ADARB2: variants seen among roughly 807,000 people sequenced by gnomAD.
ADARB2 encodes the protein inactive double-stranded RNA-specific editase B2.
ADARB2 carries 25 observed loss-of-function variants against 62.2 expected under a neutral mutation model. The observed-to-expected ratio is 0.40, with a 90% CI of 0.29 to 0.56. The LOEUF is 0.56. ADARB2 is among the 20% of genes least tolerant of loss of function. The probability of loss-of-function intolerance (pLI) is 0.43; values close to 1 mark genes in which losing one functional copy is unlikely to be tolerated. For missense variants in ADARB2, 1,071 were observed against 1,077.4 expected (o/e 0.99, Z 0.08); for synonymous variants, 572 against 500.8 (o/e 1.14, Z -1.90).
chr10:1,345,954 C>A (rs1312450713), intron 3 of ADARB2, among the ~76,000 whole-genome samples: 1 of 152,174 alleles, frequency 6.6e-6, no homozygotes, highest in African/African-American at 2.4e-5. Flanking sequence ...AAAATCATCA[C>A]AAATGAACCG....
chr10:1,343,155 G>A (rs1832045568), intron 3 of ADARB2, among the ~76,000 whole-genome samples: 1 of 152,134 alleles, frequency 6.6e-6, no homozygotes, highest in African/African-American at 2.4e-5. Flanking sequence ...TAGGAAGCCT[G>A]TACATAAAAA....
At chr10:1,539,570 T>C (rs937774822) in intron 1 of ADARB2, among the ~76,000 whole-genome samples, 3 of 152,222 alleles carry the variant, frequency 2.0e-5, no homozygotes, top group Admixed American at 6.5e-5. Context: ...ACACCGGAAA[T>C]TGGGGAGGCC....
intron 1 of ADARB2, among the ~76,000 whole-genome samples, chr10:1,443,181 G>GA (rs1374173367): frequency 6.6e-6 from 1 of 152,144 alleles, no homozygotes. Context: ...GGCCAAGGGG[G>GA]AAAAACACCC....
intron 1 of ADARB2, among the ~76,000 whole-genome samples, chr10:1,581,623 G>A (rs1281507417): frequency 1.3e-5 from 2 of 152,136 alleles, no homozygotes; most frequent in East Asian, 3.8e-4. Context: ...GATAATTTTT[G>A]AGTATTAAGT....
At position 1,341,597 on chromosome 10, in the gene ADARB2, G is replaced by A. The variant is rs566477381; in HGVS notation, c.1077+21431C>T. Among the ~76,000 whole-genome samples the A allele has an allele frequency of 6.6e-4, 93 of 141,136 alleles. 1 individual carries two copies. Among genetic ancestry groups the A allele is most frequent in the African/African-American group, 2.2e-3 (83 of 37,420 alleles). The allele number at this position is 141,136 out of a possible 152,430, so 92.6% of individuals were successfully genotyped here. A position where few individuals can be genotyped will look rare whatever the true frequency, so the allele number is the denominator to read the frequency against. ...TAACCAGCATCCACCAGAGAACCAC[G>A]CGCCCCACAGCGGCAATAACCAGCA... On this transcript the variant is annotated intron_variant, in intron 3 of 9. Coordinates refer to ENST00000381312, the MANE Select transcript of ADARB2 (RefSeq NM_018702.4).
intron 1 of ADARB2, among the ~76,000 whole-genome samples, chr10:1,703,367 C>A (rs549484512): frequency 6.6e-6 from 1 of 152,230 alleles, no homozygotes; most frequent in East Asian, 1.9e-4. Flanking sequence ...AGTGGAGCTC[C>A]ACCCCGAGGC....
intron 1 of ADARB2, among the ~76,000 whole-genome samples, chr10:1,490,350 A>T (rs115827204): frequency 0.02 from 3,107 of 152,360 alleles, 68 homozygotes; most frequent in South Asian, 0.054. Flanking sequence ...CTTATATCTG[A>T]AAGCACTTAA....
At chr10:1,360,255 C>T (rs1401246480) in intron 3 of ADARB2, among the ~76,000 whole-genome samples, 1 of 152,238 alleles carries the variant, frequency 6.6e-6, no homozygotes, top group Non-Finnish European at 1.5e-5. Context: ...TTCCCCCCAG[C>T]CCCAGAGGTG....
intron 3 of ADARB2, among the ~76,000 whole-genome samples, chr10:1,322,627 A>G (rs932891242): frequency 1.2e-4 from 19 of 152,192 alleles, no homozygotes; most frequent in African/African-American, 4.1e-4. Flanking sequence ...AAGTGAAGGA[A>G]AAATGGAAAA....
At chr10:1,337,680 A>G (rs993084704) in intron 3 of ADARB2, among the ~76,000 whole-genome samples, 3 of 152,144 alleles carry the variant, frequency 2.0e-5, no homozygotes, top group Non-Finnish European at 4.4e-5. Flanking sequence ...TGCAGGGATT[A>G]GAATAAAATT....
Position 1,216,981 on chromosome 10 carries a change from A to G in ADARB2, c.1652T>C (p.Ile551Thr), listed in dbSNP as rs1192663828. The change falls in exon 7 of 10, where the codon ATC becomes ACC. Residue 551 changes from isoleucine (I) to threonine (T), a missense_variant. Physicochemically the swap from Ile to Thr is moderately conservative, Grantham distance 89. Transcript: ENST00000381312. ...GATCTTGTCCGTGCAGGACATGGTG[A>G]TCAGCTGCTCCCCCAGCAGGACGCC... The part of the protein sequence containing the change: ...WDGVLLGEQL[I>T]TMSCTDKIAR... The G allele has an allele frequency of 6.2e-7, 1 of 1,608,918 alleles. No individual in the cohort carries two copies. The highest frequency in any genetic ancestry group is 2.2e-5 in the East Asian group (1 of 44,880).
intron 1 of ADARB2, among the ~76,000 whole-genome samples, chr10:1,616,390 A>C (rs1875001): frequency 0.72 from 106,178 of 147,812 alleles, 38,419 homozygotes; most frequent in African/African-American, 0.81. Context: ...CTCTACCCTG[A>C]GCTGCTGAGC....
intron 1 of ADARB2, among the ~76,000 whole-genome samples, chr10:1,533,447 C>T (rs2138691): frequency 8.4e-6 from 1 of 118,926 alleles, no homozygotes; most frequent in Non-Finnish European, 2.0e-5. Flanking sequence ...CAAACATCAC[C>T]TTTTAATCAC....
At chr10:1,325,720 A>G (rs1373436329) in intron 3 of ADARB2, among the ~76,000 whole-genome samples, 1 of 152,130 alleles carries the variant, frequency 6.6e-6, no homozygotes, top group South Asian at 2.1e-4. Flanking sequence ...TCTTTCTTGT[A>G]CTAGAGACTC....
intron 1 of ADARB2, among the ~76,000 whole-genome samples, chr10:1,652,366 C>A (rs1834121320): frequency 6.6e-6 from 1 of 152,188 alleles, no homozygotes; most frequent in Admixed American, 6.5e-5. Context: ...TTAATTCATT[C>A]CGTGTAATCT....
At chr10:1,300,649 T>C (rs895354934) in intron 3 of ADARB2, among the ~76,000 whole-genome samples, 1 of 152,252 alleles carries the variant, frequency 6.6e-6, no homozygotes, top group African/African-American at 2.4e-5. Context: ...ATCTTCCTCA[T>C]TTTAAAATTC....
At chr10:1,232,728 G>A (rs1160117958) in intron 6 of ADARB2, among the ~76,000 whole-genome samples, 1 of 75,994 alleles carries the variant, frequency 1.3e-5, no homozygotes. Context: ...TGTGTGTAGT[G>A]TATGTGACAT....
At chr10:1,349,656 A>G (rs1288010405) in intron 3 of ADARB2, among the ~76,000 whole-genome samples, 2 of 151,768 alleles carry the variant, frequency 1.3e-5, no homozygotes. Context: ...CCACCCTTCA[A>G]TCTCTCCCTT....
intron 1 of ADARB2, among the ~76,000 whole-genome samples, chr10:1,669,698 A>C (rs913965909): frequency 2.6e-5 from 4 of 151,720 alleles, no homozygotes; most frequent in African/African-American, 7.3e-5. Flanking sequence ...AGACACACAC[A>C]CCCACAGGGA....
Sources: gnomAD v4.1 joint callset for allele counts (sites outside exome capture counted in the v4.1 genomes callset) on GRCh38, gnomAD v4.1.1 for gene constraint, MANE v1.5 for transcripts, NCBI Gene and HGNC (gene_info 2026-07-23, HGNC 2026-07-21) for gene names.